SRRM3: variants seen among roughly 807,000 people sequenced by gnomAD.
SRRM3 encodes serine/arginine repetitive matrix 3.
A neutral mutation model predicts 66.2 loss-of-function variants in SRRM3; 27 were observed. The observed-to-expected ratio is 0.41, with a 90% confidence interval of 0.30 to 0.56. The LOEUF (loss-of-function observed/expected upper bound fraction) is 0.56, where lower values mean the gene tolerates loss of function less well. SRRM3 is among the 20% of genes least tolerant of loss of function. SRRM3 has a pLI of 0.32. For synonymous variants in SRRM3, 391 were observed against 414.9 expected, an observed-to-expected ratio of 0.94 and a Z score of 0.70; for missense variants, 918 against 991.9, an observed-to-expected ratio of 0.93 and a Z score of 1.00.
At chr7:76,261,838 A>G (rs1484187685) in intron 8 of SRRM3, among the ~76,000 whole-genome samples, 2 of 152,078 alleles carry the variant, frequency 1.3e-5, no homozygotes, top group East Asian at 1.9e-4. Context: ...GGCAGGTCCA[A>G]TGCCCAAGGG....
At position 76,266,190 on chromosome 7, in the gene SRRM3, T is replaced by TAAATATTTATATATTTAATATATAC. The variant is rs1802024799; in HGVS notation, c.830+746_830+747insCAAATATTTATATATTTAATATATA. ...GCCTTATTTATATATTTAATATATATAAATATTTATATATTTAATATATAT... is the reference window on the plus strand; with the variant it reads ...GCCTTATTTATATATTTAATATATATAAATATTTATATATTTAATATATACAAATATTTATATATTTAATATATAT... On this transcript the variant is annotated intron_variant, in intron 10 of 14. Transcript: ENST00000611745. 3.0e-5 allele frequency among the ~76,000 whole-genome samples: 3 copies of TAAATATTTATATATTTAATATATAC among 99,892 alleles called. No homozygotes were observed. The South Asian group carries it at 7.7e-4, about 26-fold the overall frequency. The allele number at this position is 99,892 out of a possible 152,430, so 65.5% of individuals were successfully genotyped here.
intron 1 of SRRM3, among the ~76,000 whole-genome samples, chr7:76,229,576 A>T (rs1554604075): frequency 6.6e-6 from 1 of 152,070 alleles, no homozygotes; most frequent in African/African-American, 2.4e-5. Context: ...TGGCATCCAC[A>T]TTGTGATATT....
chr7:76,212,434 G>A (rs1215643725), intron 1 of SRRM3, among the ~76,000 whole-genome samples: 4 of 148,058 alleles, frequency 2.7e-5, no homozygotes, highest in Admixed American at 6.8e-5. Flanking sequence ...TGGGATTACC[G>A]GCATGAGTCA....
At chr7:76,219,326 G>C (rs2116958463) in intron 1 of SRRM3, among the ~76,000 whole-genome samples, 1 of 152,338 alleles carries the variant, frequency 6.6e-6, no homozygotes, top group East Asian at 1.9e-4. Flanking sequence ...AATCTGCACT[G>C]ATCTCACCTG....
In SRRM3 at chr7:76,230,296, A is replaced by C. The variant is rs184378720; in HGVS notation, c.-39-4732A>C. On this transcript the variant is annotated intron_variant, in intron 1 of 14. Coordinates refer to ENST00000611745, the MANE Select transcript of SRRM3 (RefSeq NM_001110199.3). ...GCTCCTTTTGAGTATAGGTCAATCA[A>C]TCAACCAATTACAACAAAATGGGAT... 2.4e-3 allele frequency among the ~76,000 whole-genome samples: 365 copies of C among 152,296 alleles called. 2 individuals carry two copies. The highest frequency in any genetic ancestry group is 8.2e-3 in the African/African-American group (341 of 41,556).
chr7:76,256,716 CTTT>C (rs781795981), intron 3 of SRRM3, among the ~76,000 whole-genome samples: 1 of 133,636 alleles, frequency 7.5e-6, no homozygotes, highest in Non-Finnish European at 1.6e-5. Context: ...GCTTCTTTTT[CTTT>C]TTTTTTTTTT....
chr7:76,227,396 T>C (rs2116978205), intron 1 of SRRM3, among the ~76,000 whole-genome samples: 1 of 152,340 alleles, frequency 6.6e-6, no homozygotes, highest in East Asian at 1.9e-4. Flanking sequence ...TCACAATAAA[T>C]GGCTGCACCA....
chr7:76,261,605 A>T (rs1801873556), intron 8 of SRRM3, 24 bp downstream of exon 8: 1 of 1,606,962 alleles, frequency 6.2e-7, no homozygotes. Context: ...TGCAGAGGAC[A>T]TGGTCAGTGG....
chr7:76,219,754 C>CA (rs1465714429), intron 1 of SRRM3, among the ~76,000 whole-genome samples: 6 of 151,978 alleles, frequency 3.9e-5, no homozygotes, highest in Admixed American at 2.0e-4. Flanking sequence ...ACTAAAAGTA[C>CA]AAAAAATTAG....
chr7:76,265,603 C>A lies in SRRM3; in HGVS notation c.830+135C>A, dbSNP rs368389605. 21 of 679,480 alleles carry A rather than the reference C, an allele frequency of 3.1e-5. No homozygotes were observed. In the African/African-American group the frequency reaches 3.8e-4, roughly 12 times the overall value. The allele number at this position is 679,480 out of a possible 1,614,324, so 42.1% of individuals were successfully genotyped here. On this transcript the variant is annotated intron_variant, in intron 10 of 14. Coordinates refer to ENST00000611745, the MANE Select transcript of SRRM3 (RefSeq NM_001110199.3). ...GTGGGTAGAAGTTTATCAGGGGTAG[C>A]CAGGTGTGGTGGCTCACTGCTGTAG...
chr7:76,238,402 T>C (rs781980141), intron 2 of SRRM3, among the ~76,000 whole-genome samples: 1 of 152,150 alleles, frequency 6.6e-6, no homozygotes, highest in Non-Finnish European at 1.5e-5. Context: ...ATTTGACAAA[T>C]ATTCACATCA....
rs550836164 is a variant in SRRM3 at position 76,236,108 on chromosome 7, C to T, written c.233+809C>T. Among the ~76,000 whole-genome samples, 624 of 148,818 alleles carry T rather than the reference C, an allele frequency of 4.2e-3. 3 individuals carry two copies. Among genetic ancestry groups the T allele is most frequent in the African/African-American group, 0.015 (603 of 40,452 alleles). ...CGGGTGGATCACAAGGTTGGGAATT[C>T]GAGACCAGCCTGACCAACATGGAGA... is the stretch of plus-strand genomic sequence containing the variant. On this transcript the variant is annotated intron_variant, in intron 2 of 14. Coordinates refer to ENST00000611745, the MANE Select transcript of SRRM3 (RefSeq NM_001110199.3).
chr7:76,220,596 AC>A (rs1800684336), intron 1 of SRRM3, among the ~76,000 whole-genome samples: 1 of 152,186 alleles, frequency 6.6e-6, no homozygotes, highest in African/African-American at 2.4e-5. Context: ...ATTGCCCAGC[AC>A]AGACTGAGAC....
chr7:76,269,621 TTTTG>T (rs1252101482), intron 11 of SRRM3: 20 of 152,170 alleles, frequency 1.3e-4, no homozygotes, highest in African/African-American at 4.6e-4. Context: ...CCGTCTATGT[TTTTG>T]TTTGTTTTTT....
chr7:76,203,981 G>A (rs1446205566), intron 1 of SRRM3, among the ~76,000 whole-genome samples: 1 of 152,184 alleles, frequency 6.6e-6, no homozygotes, highest in Non-Finnish European at 1.5e-5. Flanking sequence ...ACCGGCCAGC[G>A]GGGTGCCTCT....
chr7:76,282,827 C>G lies in SRRM3; in HGVS notation c.1550C>G (p.Pro517Arg), dbSNP rs1554612190. The G allele has an allele frequency of 2.1e-6, 3 of 1,460,564 alleles. No homozygotes were observed. Among genetic ancestry groups the G allele is most frequent in the Non-Finnish European group, 2.7e-6 (3 of 1,111,758 alleles). 90.5% of individuals were successfully genotyped at this position (1,460,564 alleles called of 1,614,324 possible). Residue 517 changes from proline to arginine, a missense_variant, in exon 13 of 15, where the codon CCC (proline) becomes CGC (arginine). By Grantham distance (103) the Pro-to-Arg change is moderately radical. Coordinates refer to ENST00000611745, the MANE Select transcript of SRRM3 (RefSeq NM_001110199.3). The stretch of plus-strand genomic sequence containing the variant: ...CGCTCGCGCTCTGCGGAGAAGCGGC[C>G]CCACAGCCCCAGCCGCTCGCCGTCG... ...KSRSRSAEKR[P>R]HSPSRSPSPK...
intron 2 of SRRM3, 107 bp from the exon 3 acceptor site, chr7:76,248,081 T>A (rs946795257): frequency 1.3e-6 from 1 of 766,862 alleles, no homozygotes; most frequent in South Asian, 1.6e-5. Flanking sequence ...CAAGCCGGAG[T>A]GTGCACTTGT....
intron 9 of SRRM3, 93 bp downstream of exon 9, chr7:76,264,908 A>G: frequency 1.5e-6 from 2 of 1,368,256 alleles, no homozygotes; most frequent in Admixed American, 2.2e-5. Context: ...AGGCCATTAA[A>G]GGTAGCTCAT....
chr7:76,244,505 C>G (rs964511753), intron 2 of SRRM3, among the ~76,000 whole-genome samples: 2 of 126,010 alleles, frequency 1.6e-5, no homozygotes, highest in Non-Finnish European at 3.2e-5. Context: ...GCCTGGGCGA[C>G]AGAGCAAGAC....
Sources: gnomAD v4.1 joint callset for allele counts (sites outside exome capture counted in the v4.1 genomes callset) on GRCh38, gnomAD v4.1.1 for gene constraint, MANE v1.5 for transcripts, NCBI Gene and HGNC (gene_info 2026-07-23, HGNC 2026-07-21) for gene names.